MYEF2: variants seen among roughly 807,000 people sequenced by gnomAD.
The protein encoded by MYEF2 is myelin expression factor 2.
MYEF2 carries 37 observed loss-of-function variants against 75.2 expected under a neutral mutation model. That is an observed-to-expected ratio of 0.49 (90% CI 0.38 to 0.65). The LOEUF is 0.65. Among genes scored for constraint, MYEF2 ranks in the 30% least tolerant of loss-of-function variants. The pLI, the probability that MYEF2 is intolerant of heterozygous loss-of-function variation, is 0.00. For synonymous variants in MYEF2, 195 were observed against 241.6 expected (o/e 0.81, Z 1.79); for missense variants, 634 against 771.4 (o/e 0.82, Z 2.11).
intron 1 of MYEF2, among the ~76,000 whole-genome samples, chr15:48,169,572 A>G (rs2040249494): frequency 6.6e-6 from 1 of 150,536 alleles, no homozygotes; most frequent in Non-Finnish European, 1.5e-5. Flanking sequence ...ACATAAAAGC[A>G]ACGTAAGCCA....
chr15:48,141,986 A>ATTG lies in MYEF2; in HGVS notation c.*921_*922insCAA. 3.7e-6 allele frequency: 5 copies of ATTG among 1,341,942 alleles called. No homozygotes were observed. The highest frequency in any genetic ancestry group is 5.1e-6 in the Non-Finnish European group (5 of 984,470). The allele number at this position is 1,341,942 out of a possible 1,614,324, so 83.1% of individuals were successfully genotyped here. On this transcript the variant is annotated 3_prime_UTR_variant, in exon 17 of 17. Transcript: ENST00000324324. Reference sequence around the variant, plus strand: ...CTTATGAAGATTATTAATAAAACACAGTATTGGTAAGCACATTTTAACAGT... The same window carrying ATTG: ...CTTATGAAGATTATTAATAAAACACATTGGTATTGGTAAGCACATTTTAACAGT...
chr15:48,149,501 TTTG>T lies in MYEF2; in HGVS notation c.1379-133_1379-131del. 2 of 581,244 alleles carry T rather than the reference TTTG, an allele frequency of 3.4e-6. No homozygotes were observed. The highest frequency in any genetic ancestry group is 2.9e-5 in the East Asian group (1 of 34,676). 36.0% of individuals were successfully genotyped at this position (581,244 alleles called of 1,614,324 possible). On this transcript the variant is annotated intron_variant, in intron 14 of 16. Transcript: ENST00000324324. The surrounding 1 kb of genome is among the most constrained non-coding windows in gnomAD (Gnocchi z 4.0). ...TTTTGAGAAAGAAGGGGGAAATTAATTTGTTTATATAATTAAATAATATAAAAA... is the reference window on the plus strand; with the variant it reads ...TTTTGAGAAAGAAGGGGGAAATTAATTTTATATAATTAAATAATATAAAAA...
At chr15:48,168,457 C>T (rs1446431157) in intron 2 of MYEF2, among the ~76,000 whole-genome samples, 174 bp downstream of exon 2, 1 of 151,804 alleles carries the variant, frequency 6.6e-6, no homozygotes, top group Non-Finnish European at 1.5e-5. Context: ...ATCCATACTA[C>T]CTTGTAATGA....
chr15:48,178,117 G>A lies in MYEF2; in HGVS notation c.121C>T (p.Gln41Ter). ...REPHPAEAEKQQPQHSSSSNG... is the reference protein window; with the variant it reads ...REPHPAEAEK ...GAGCTGCTGCTGTGCTGCGGCTGCT[G>A]CTTCTCCGCCTCCGCGGGGTGCGGC... The change falls in exon 1 of 17, where the codon CAG becomes TAG. Residue 41 changes from glutamine (Q) to a stop codon, truncating the protein, a stop_gained. Coordinates refer to ENST00000324324, the MANE Select transcript of MYEF2 (RefSeq NM_016132.5). LOFTEE classifies it high-confidence loss of function. The A allele has an allele frequency of 6.3e-7, 1 of 1,595,440 alleles. No individual in the cohort carries two copies.
intron 16 of MYEF2, among the ~76,000 whole-genome samples, chr15:48,147,889 T>C (rs575456329): frequency 6.6e-6 from 1 of 152,148 alleles, no homozygotes; most frequent in South Asian, 2.1e-4. Flanking sequence ...TAAATGAACA[T>C]CTACCCAGAA....
rs759199242 is a variant in MYEF2 at position 48,149,263 on chromosome 15, T to C, written c.1487A>G (p.Glu496Gly). ...RMGPGIGAILERSIDMDRGFL... is the reference protein window; with the variant it reads ...RMGPGIGAILGRSIDMDRGFL... ...TCCTCGATCCATATCGATGCTCCTTTCCAGTATAGCTCCTATACCTGGTCC... is the reference window on the plus strand; with the variant it reads ...TCCTCGATCCATATCGATGCTCCTTCCCAGTATAGCTCCTATACCTGGTCC... Residue 496 changes from glutamate (E) to glycine (G), a missense_variant, in exon 15 of 17, where the codon GAA (glutamate) becomes GGA (glycine). Glu to Gly is a moderately conservative substitution (Grantham distance 98, BLOSUM62 -2). Coordinates refer to ENST00000324324, the MANE Select transcript of MYEF2 (RefSeq NM_016132.5). This position sits in a 1 kb window ranked among gnomAD's most constrained non-coding sequence, Gnocchi z 4.0. 1.2e-6 allele frequency: 2 copies of C among 1,613,338 alleles called. No homozygotes were observed. The highest frequency in any genetic ancestry group is 2.2e-5 in the East Asian group (1 of 44,880).
Position 48,138,940 on chromosome 15 carries a change from C to T in MYEF2, c.*3968G>A, listed in dbSNP as rs762381256. 1.8e-5 allele frequency: 28 copies of T among 1,555,438 alleles called. No individual in the cohort carries two copies. The highest frequency in any genetic ancestry group is 2.7e-5 in the African/African-American group (2 of 72,860). On this transcript the variant is annotated 3_prime_UTR_variant, in exon 17 of 17. Transcript: ENST00000324324. ...TAACTTAATTAGCCATTTGAGAAAA[C>T]TCAAAAGTGTTTACTTTTTCCACAA...
intron 7 of MYEF2, among the ~76,000 whole-genome samples, chr15:48,158,482 A>C (rs1010464339): frequency 4.6e-5 from 7 of 152,194 alleles, no homozygotes; most frequent in African/African-American, 1.7e-4. Context: ...AAGTAACTGC[A>C]TTAATATACA....
At chr15:48,150,565 G>A (rs528667561) in intron 14 of MYEF2, among the ~76,000 whole-genome samples, 10 of 152,090 alleles carry the variant, frequency 6.6e-5, no homozygotes, top group African/African-American at 2.4e-4. Context: ...AGACGGATGG[G>A]AGATTCAGCA....
intron 12 of MYEF2, 121 bp from the exon 13 acceptor site, chr15:48,151,692 T>C: frequency 8.6e-7 from 1 of 1,162,854 alleles, no homozygotes; most frequent in South Asian, 1.4e-5. Context: ...AGTCTGTCAT[T>C]TACCCAATTT....
intron 1 of MYEF2, 98 bp downstream of exon 1, chr15:48,177,979 G>A (rs1041325319): frequency 2.7e-6 from 4 of 1,462,414 alleles, no homozygotes; most frequent in Non-Finnish European, 3.7e-6. Flanking sequence ...CGGGGTCTGG[G>A]GGTGGTTGTC....
intron 1 of MYEF2, 145 bp from the exon 2 acceptor site, chr15:48,168,984 C>T: frequency 3.1e-6 from 2 of 641,550 alleles, no homozygotes; most frequent in Admixed American, 3.0e-5. Context: ...GGAGAATCAG[C>T]CTGAGAGCTT....
rs1169028777 is a variant in MYEF2, at chr15:48,153,863, C to T, written c.1016G>A (p.Gly339Asp). The part of the protein sequence containing the change: ...RGLGGIGMGL[G>D]PGGQPISASQ... ...GGCACTAATAGGCTGTCCACCCGGA[C>T]CAAGTCCCATCCCAATGCCTCCAAG... Residue 339 changes from glycine (G) to aspartate (D), a missense_variant, in exon 10 of 17, where the codon GGT (glycine) becomes GAT (aspartate). Transcript: ENST00000324324. 6.2e-7 allele frequency: 1 copy of T among 1,613,280 alleles called. No individual in the cohort carries two copies. The highest frequency in any genetic ancestry group is 1.3e-5 in the African/African-American group (1 of 74,974).
Position 48,153,531 on chromosome 15 carries a change from C to T in MYEF2, c.1087+261G>A, listed in dbSNP as rs2140854065. The T allele has an allele frequency of 8.8e-6, 3 of 342,852 alleles. No individual in the cohort carries two copies. The South Asian group carries it at 1.4e-4, about 15-fold the overall frequency. The allele number at this position is 342,852 out of a possible 1,614,324, so 21.2% of individuals were successfully genotyped here. Reference sequence around the variant, plus strand: ...TCATAGATGATATATTCTCCTTCTGCCTTCAAGACATTTCAAAATCCAAAA... The same window carrying T: ...TCATAGATGATATATTCTCCTTCTGTCTTCAAGACATTTCAAAATCCAAAA... On this transcript the variant is annotated intron_variant, in intron 10 of 16. Transcript: ENST00000324324.
In MYEF2 at chr15:48,141,649, G is replaced by GT. The variant is rs2039091944; in HGVS notation, c.*1258dup. 6.1e-6 allele frequency: 1 copy of GT among 162,640 alleles called. No homozygotes were observed. Among genetic ancestry groups the GT allele is most frequent in the African/African-American group, 2.4e-5 (1 of 40,912 alleles). 10.1% of individuals were successfully genotyped at this position (162,640 alleles called of 1,614,324 possible). A position where few individuals can be genotyped will look rare whatever the true frequency, so the allele number is the denominator to read the frequency against. ...TAACATACTTTGAAGGGGGAAAAAA[G>GT]TGACTCCAGAGGAAAAGTTTACTAT... On this transcript the variant is annotated 3_prime_UTR_variant, in exon 17 of 17. Transcript: ENST00000324324.
At chr15:48,176,570 C>G (rs921833400) in intron 1 of MYEF2, among the ~76,000 whole-genome samples, 3 of 152,054 alleles carry the variant, frequency 2.0e-5, no homozygotes, top group Non-Finnish European at 4.4e-5. Flanking sequence ...GTTTAGATAC[C>G]AAACTTCCCC....
chr15:48,177,719 G>C (rs1567283201), intron 1 of MYEF2, among the ~76,000 whole-genome samples: 1 of 152,132 alleles, frequency 6.6e-6, no homozygotes, highest in African/African-American at 2.4e-5. Context: ...CTAACTACTG[G>C]TCCTTAAAGG....
chr15:48,140,861 C>T lies in MYEF2; in HGVS notation c.*2047G>A, dbSNP rs1464850836. On this transcript the variant is annotated 3_prime_UTR_variant, in exon 17 of 17. Transcript: ENST00000324324. ...GTAAGAATATCAAACAGGAAAATTT[C>T]TCACTGGCAGAATTTTAGCTGTTAC... The T allele has an allele frequency of 2.0e-5, 7 of 348,002 alleles. No homozygotes were observed. Among genetic ancestry groups the T allele is most frequent in the South Asian group, 2.0e-4 (6 of 30,596 alleles). 21.6% of individuals were successfully genotyped at this position (348,002 alleles called of 1,614,324 possible). A position where few individuals can be genotyped will look rare whatever the true frequency, so the allele number is the denominator to read the frequency against.
chr15:48,156,031 G>T (rs975588750), intron 9 of MYEF2, among the ~76,000 whole-genome samples: 1 of 152,006 alleles, frequency 6.6e-6, no homozygotes, highest in African/African-American at 2.4e-5. Context: ...ACCTGCCTGG[G>T]CCTCCCAAAG....
Sources: gnomAD v4.1 joint callset for allele counts (sites outside exome capture counted in the v4.1 genomes callset) on GRCh38, gnomAD v4.1.1 for gene constraint, Gnocchi (gnomAD v3.1) non-coding constraint, MANE v1.5 for transcripts, NCBI Gene and HGNC (gene_info 2026-07-23, HGNC 2026-07-21) for gene names.